Variants in PAX9 observed in about 807,000 individuals in gnomAD.
PAX9 encodes paired box protein Pax-9.
PAX9 carries 6 observed loss-of-function variants against 29.1 expected under a neutral mutation model. That is an observed-to-expected ratio of 0.21 (90% CI 0.11 to 0.41). PAX9 has a LOEUF of 0.41. PAX9 is among the 10% of genes least tolerant of loss of function. The pLI, the probability that PAX9 is intolerant of heterozygous loss-of-function variation, is 1.00. For missense variants in PAX9, 443 were observed against 479.1 expected (o/e 0.92, Z 0.70); for synonymous variants, 217 against 211.7 (o/e 1.03, Z -0.22).
chr14:36,659,937 G>A (rs1479302653), upstream of PAX9, among the ~76,000 whole-genome samples: 1 of 152,158 alleles, frequency 6.6e-6, no homozygotes, highest in Non-Finnish European at 1.5e-5. Flanking sequence ...TTGCCTGTTC[G>A]TATGCGAACA....
chr14:36,676,744 C>T lies in PAX9; in HGVS notation c.*292C>T, dbSNP rs1881909149. 2.2e-6 allele frequency: 1 copy of T among 454,920 alleles called. No homozygotes were observed. The highest frequency in any genetic ancestry group is 4.1e-6 in the Non-Finnish European group (1 of 246,282). The allele number at this position is 454,920 out of a possible 1,614,324, so 28.2% of individuals were successfully genotyped here. A position where few individuals can be genotyped will look rare whatever the true frequency, so the allele number is the denominator to read the frequency against. On this transcript the variant is annotated 3_prime_UTR_variant, in exon 4 of 4. Coordinates refer to ENST00000361487, the MANE Select transcript of PAX9 (RefSeq NM_001372076.1). ...TGTCTTAACATAACAAAGAAACCTA[C>T]ACCCCTCAAAGGGTTTAAGGAACTT...
At chr14:36,658,184 T>A (rs539866940), upstream of PAX9, among the ~76,000 whole-genome samples, 28 of 152,274 alleles carry the variant, frequency 1.8e-4, no homozygotes, top group African/African-American at 6.7e-4. Flanking sequence ...GGCTTGTTTT[T>A]CTCTCTGCAC....
intron 3 of PAX9, among the ~76,000 whole-genome samples, chr14:36,674,882 C>T (rs779000676): frequency 1.2e-4 from 19 of 152,304 alleles, no homozygotes; most frequent in Non-Finnish European, 2.4e-4. Flanking sequence ...GTCATACCCA[C>T]GTATGTATTC....
At chr14:36,659,625 C>T (rs529256983), upstream of PAX9, among the ~76,000 whole-genome samples, 5 of 152,344 alleles carry the variant, frequency 3.3e-5, no homozygotes, top group African/African-American at 1.2e-4. Context: ...GCCAGAGCTG[C>T]GGACAGGCCC....
intron 3 of PAX9, among the ~76,000 whole-genome samples, chr14:36,675,611 A>G (rs1279469083): frequency 6.6e-6 from 1 of 152,228 alleles, no homozygotes; most frequent in African/African-American, 2.4e-5. Context: ...CTTACAAGAC[A>G]AAGTGCCTGA....
Position 36,679,184 on chromosome 14 carries a change from T to C in PAX9, c.*2732T>C. ...ACAGAGACACATTCTTATTTCTTTT[T>C]TTTCACAATTTTGTTTTGTTTTTAA... On this transcript the variant is annotated 3_prime_UTR_variant, in exon 4 of 4. Transcript: ENST00000361487. The C allele has an allele frequency of 1.0e-6, 1 of 985,244 alleles. No individual in the cohort carries two copies. The highest frequency in any genetic ancestry group is 1.2e-6 in the Non-Finnish European group (1 of 829,782). The allele number at this position is 985,244 out of a possible 1,614,324, so 61.0% of individuals were successfully genotyped here.
intron 2 of PAX9, 30 bp from the exon 3 acceptor site, chr14:36,666,425 GGGCCTCC>G (rs1418581343): frequency 6.2e-7 from 1 of 1,600,600 alleles, no homozygotes; most frequent in Non-Finnish European, 8.5e-7. Flanking sequence ...CGCGCGGGCT[GGGCCTCC>G]GGCCTGACAC....
At chr14:36,675,421 C>A (rs1351145233) in intron 3 of PAX9, among the ~76,000 whole-genome samples, 2 of 152,052 alleles carry the variant, frequency 1.3e-5, no homozygotes, top group African/African-American at 2.4e-5. Context: ...TTTCTAAATT[C>A]ACTTCAAGAG....
Position 36,678,366 on chromosome 14 carries a change from G to A in PAX9, c.*1914G>A. 7.8e-6 allele frequency: 7 copies of A among 895,396 alleles called. No individual in the cohort carries two copies. The South Asian group carries it at 1.0e-4, about 13-fold the overall frequency. The allele number at this position is 895,396 out of a possible 1,614,324, so 55.5% of individuals were successfully genotyped here. ...ATTTCTAAAGCAACCGAAATTCAGT[G>A]CTACAAATAGAGGATTATAACTTCA... On this transcript the variant is annotated 3_prime_UTR_variant, in exon 4 of 4. Transcript: ENST00000361487.
At position 36,662,979 on chromosome 14, in the gene PAX9, C is replaced by T; in HGVS notation, c.87C>T (p.Ile29=). The stretch of plus-strand genomic sequence containing the variant: ...TGCCCAACGCCATCCGGCTTCGCAT[C>T]GTGGAACTGGCCCAACTGGGCATCC... ...RPLPNAIRLR[I]VELAQLGIRP... The change falls in exon 2 of 4, where the codon ATC becomes ATT. Residue 29 remains isoleucine (I), a synonymous_variant. Coordinates refer to ENST00000361487, the MANE Select transcript of PAX9 (RefSeq NM_001372076.1). The T allele has an allele frequency of 6.2e-7, 1 of 1,613,602 alleles. No individual in the cohort carries two copies. The highest frequency in any genetic ancestry group is 8.5e-7 in the Non-Finnish European group (1 of 1,180,002).
At chr14:36,664,400 A>G (rs940773341) in intron 2 of PAX9, among the ~76,000 whole-genome samples, 1 of 151,946 alleles carries the variant, frequency 6.6e-6, no homozygotes, top group Non-Finnish European at 1.5e-5. Flanking sequence ...GTGGATATCT[A>G]TCTAGTTCCT....
In PAX9 at chr14:36,663,762, TC is replaced by T. The variant is rs34021739; in HGVS notation, c.631+245del. Among the ~76,000 whole-genome samples, 8 of 151,586 alleles carry T rather than the reference TC, an allele frequency of 5.3e-5. No homozygotes were observed. In the South Asian group the frequency reaches 1.5e-3, roughly 28 times the overall value. ...ATCTCAAACTACCAGACCCATAACATCCCCCCATCCCCAACACATGGTTCGC... is the reference window on the plus strand; with the variant it reads ...ATCTCAAACTACCAGACCCATAACATCCCCCATCCCCAACACATGGTTCGC... On this transcript the variant is annotated intron_variant, in intron 2 of 3. Coordinates refer to ENST00000361487, the MANE Select transcript of PAX9 (RefSeq NM_001372076.1).
At chr14:36,674,336 G>A (rs1042936681) in intron 3 of PAX9, among the ~76,000 whole-genome samples, 6 of 152,178 alleles carry the variant, frequency 3.9e-5, no homozygotes, top group Non-Finnish European at 8.8e-5. Context: ...AAGTGTTCAG[G>A]AAAAACAGTA....
At chr14:36,662,249 G>T (rs929361288) in intron 1 of PAX9, among the ~76,000 whole-genome samples, 156 bp downstream of exon 1, 3 of 152,056 alleles carry the variant, frequency 2.0e-5, no homozygotes, top group African/African-American at 7.2e-5. Context: ...GTAGGAACAC[G>T]CTAAGGGTCA....
chr14:36,679,164 G>T lies in PAX9; in HGVS notation c.*2712G>T. The T allele has an allele frequency of 1.0e-6, 1 of 985,252 alleles. No homozygotes were observed. The highest frequency in any genetic ancestry group is 1.2e-6 in the Non-Finnish European group (1 of 829,838). The allele number at this position is 985,252 out of a possible 1,614,324, so 61.0% of individuals were successfully genotyped here. On this transcript the variant is annotated 3_prime_UTR_variant, in exon 4 of 4. Coordinates refer to ENST00000361487, the MANE Select transcript of PAX9 (RefSeq NM_001372076.1). ...GGATAGAATGCAGTTGTGCAACAGA[G>T]ACACATTCTTATTTCTTTTTTTTCA...
upstream of PAX9, among the ~76,000 whole-genome samples, chr14:36,658,092 C>T (rs139608106): frequency 1.4e-3 from 216 of 152,232 alleles, no homozygotes; most frequent in African/African-American, 5.0e-3. Flanking sequence ...TGTCACTTGC[C>T]GCTGCAGTTT....
chr14:36,676,980 C>T lies in PAX9; in HGVS notation c.*528C>T. 1 of 171,294 alleles carries T rather than the reference C, an allele frequency of 5.8e-6. No individual in the cohort carries two copies. The highest frequency in any genetic ancestry group is 1.3e-5 in the Non-Finnish European group (1 of 78,356). 10.6% of individuals were successfully genotyped at this position (171,294 alleles called of 1,614,324 possible). A position where few individuals can be genotyped will look rare whatever the true frequency, so the allele number is the denominator to read the frequency against. On this transcript the variant is annotated 3_prime_UTR_variant, in exon 4 of 4. Transcript: ENST00000361487. ...TCAATAAGTGACTTGTTTGAGTGAT[C>T]CTTTGTTTAAGACATGACCTATTTT...
upstream of PAX9, among the ~76,000 whole-genome samples, chr14:36,659,099 G>T (rs1027410451): frequency 1.3e-5 from 2 of 152,254 alleles, no homozygotes; most frequent in African/African-American, 4.8e-5. Flanking sequence ...GCTTCTCCCT[G>T]GCCTGAGCCA....
At chr14:36,666,093 G>C (rs543503935) in intron 2 of PAX9, 185 of 226,400 alleles carry the variant, frequency 8.2e-4, no homozygotes, top group Non-Finnish European at 1.4e-3. Flanking sequence ...TAAGAATGAG[G>C]AGGTGGAGAA....
Sources: gnomAD v4.1 joint callset for allele counts (sites outside exome capture counted in the v4.1 genomes callset) on GRCh38, gnomAD v4.1.1 for gene constraint, MANE v1.5 for transcripts, NCBI Gene and HGNC (gene_info 2026-07-23, HGNC 2026-07-21) for gene names.